The following RALYL variants were observed in gnomAD, a reference collection of about 807,000 sequenced individuals.
RALYL encodes RALY RNA binding protein like, also known as RNA-binding Raly-like protein.
A neutral mutation model predicts 35.1 loss-of-function variants in RALYL; 29 were observed. That is an observed-to-expected ratio of 0.83 (90% CI 0.61 to 1.13). RALYL has a LOEUF of 1.13. Ranked by LOEUF, RALYL falls within the 50% of genes most tolerant of loss-of-function variation. The pLI is 0.00. For synonymous variants in RALYL, 120 were observed against 127.6 expected, an observed-to-expected ratio of 0.94 and a Z score of 0.40; for missense variants, 359 against 360.4, an observed-to-expected ratio of 1.00 and a Z score of 0.03.
Position 84,586,882 on chromosome 8 carries a change from G to A in RALYL, c.256+57305G>A, listed in dbSNP as rs562984093. Among the ~76,000 whole-genome samples the A allele has an allele frequency of 4.6e-5, 7 of 152,088 alleles. No individual in the cohort carries two copies. In the South Asian group the frequency reaches 1.4e-3, roughly 31 times the overall value. ...GCACCATATGATTTTTTGTGTGTGT[G>A]CTCTCTACATCACTGTTAGAAAATG... On this transcript the variant is annotated intron_variant, in intron 2 of 8. Coordinates refer to ENST00000521268, the MANE Select transcript of RALYL (RefSeq NM_173848.7).
chr8:84,316,615 C>A (rs760487606), intron 1 of RALYL, among the ~76,000 whole-genome samples: 5 of 152,052 alleles, frequency 3.3e-5, no homozygotes, highest in African/African-American at 1.2e-4. Flanking sequence ...GTTTTCCTGG[C>A]AGATCTATTT....
chr8:84,186,655 C>G (rs1490933077), intron 1 of RALYL, among the ~76,000 whole-genome samples: 5 of 152,212 alleles, frequency 3.3e-5, no homozygotes, highest in Non-Finnish European at 7.4e-5. Flanking sequence ...TTAATGGGAC[C>G]AAAGACGATT....
chr8:84,426,141 G>T (rs1223957271), intron 1 of RALYL, among the ~76,000 whole-genome samples: 2 of 151,914 alleles, frequency 1.3e-5, no homozygotes, highest in East Asian at 1.9e-4. Flanking sequence ...ATGATATTAT[G>T]GGATACATAT....
chr8:84,429,458 GA>G, intron 1 of RALYL, among the ~76,000 whole-genome samples: 1 of 151,070 alleles, frequency 6.6e-6, no homozygotes, highest in Non-Finnish European at 1.5e-5. Context: ...AATGAGGGCT[GA>G]AACAAATGAG....
Position 84,426,475 on chromosome 8 carries a change from G to GTGT in RALYL, c.-23-102824_-23-102823insTGT, listed in dbSNP as rs1554662561. Among the ~76,000 whole-genome samples, 155 of 70,696 alleles carry GTGT rather than the reference G, an allele frequency of 2.2e-3. 1 individual carries two copies. The South Asian group carries it at 0.025, about 11-fold the overall frequency. 46.4% of individuals were successfully genotyped at this position (70,696 alleles called of 152,430 possible). The stretch of plus-strand genomic sequence containing the variant: ...GTGTGTGTGTGTGTGTGTGTGTGTG[G>GTGT]GTTTAGATTTCACATATAAGTGAGA... On this transcript the variant is annotated intron_variant, in intron 1 of 8. Transcript: ENST00000521268.
intron 4 of RALYL, among the ~76,000 whole-genome samples, chr8:84,823,276 C>A (rs1319530439): frequency 6.6e-6 from 1 of 152,116 alleles, no homozygotes; most frequent in Admixed American, 6.6e-5. Flanking sequence ...AGGTAGTAAT[C>A]TAATGAACAG....
chr8:84,239,876 G>T (rs1212607289), intron 1 of RALYL, among the ~76,000 whole-genome samples: 1 of 152,086 alleles, frequency 6.6e-6, no homozygotes, highest in Non-Finnish European at 1.5e-5. Flanking sequence ...TGGGCACAGA[G>T]TGAGACTCCA....
At chr8:84,298,704 C>T (rs1243434883) in intron 1 of RALYL, among the ~76,000 whole-genome samples, 1 of 151,996 alleles carries the variant, frequency 6.6e-6, no homozygotes, top group Non-Finnish European at 1.5e-5. Context: ...AATATTTTTC[C>T]ATTTGTTTGT....
intron 7 of RALYL, among the ~76,000 whole-genome samples, chr8:84,887,139 T>A (rs1018620947): frequency 1.3e-5 from 2 of 152,254 alleles, no homozygotes; most frequent in African/African-American, 4.8e-5. Flanking sequence ...CCTCAGTGAG[T>A]TTTTGTCTTT....
intron 1 of RALYL, among the ~76,000 whole-genome samples, chr8:84,314,877 A>G (rs1843450068): frequency 6.6e-6 from 1 of 152,252 alleles, no homozygotes; most frequent in Non-Finnish European, 1.5e-5. Context: ...CAATAGAAAA[A>G]TAGGCTGGAG....
rs572363653 is a variant in RALYL, at chr8:84,559,973, G to GT, written c.256+30411dup. 5.0e-3 allele frequency among the ~76,000 whole-genome samples: 704 copies of GT among 141,336 alleles called. 2 individuals are homozygous for GT. The highest frequency in any genetic ancestry group is 5.7e-3 in the Admixed American group (79 of 13,974). The allele number at this position is 141,336 out of a possible 152,430, so 92.7% of individuals were successfully genotyped here. On this transcript the variant is annotated intron_variant, in intron 2 of 8. Coordinates refer to ENST00000521268, the MANE Select transcript of RALYL (RefSeq NM_173848.7). ...CAATCAAGTGTAGGCAATATATTAG[G>GT]TTTTTTTTTTTTTTTAATTGCCTCA...
intron 2 of RALYL, among the ~76,000 whole-genome samples, chr8:84,691,397 G>T (rs1477794064): frequency 1.3e-5 from 2 of 152,074 alleles, no homozygotes; most frequent in Non-Finnish European, 2.9e-5. Context: ...TTATATTTCA[G>T]TTCTCTAAAT....
At chr8:84,560,687 A>G (rs1238523379) in intron 2 of RALYL, among the ~76,000 whole-genome samples, 1 of 151,952 alleles carries the variant, frequency 6.6e-6, no homozygotes, top group African/African-American at 2.4e-5. Context: ...ATCAGTGGCA[A>G]ATGATACTGG....
chr8:84,531,864 A>G (rs2059297000), intron 2 of RALYL, among the ~76,000 whole-genome samples: 1 of 152,010 alleles, frequency 6.6e-6, no homozygotes, highest in South Asian at 2.1e-4. Context: ...ATACCACACT[A>G]AAAATGTAGT....
intron 8 of RALYL, among the ~76,000 whole-genome samples, chr8:84,915,952 T>G (rs1264321015): frequency 6.6e-6 from 1 of 152,166 alleles, no homozygotes; most frequent in East Asian, 1.9e-4. Flanking sequence ...GTAGGTTTTG[T>G]TATTTCATAC....
chr8:84,602,711 T>C (rs2130766510), intron 2 of RALYL, among the ~76,000 whole-genome samples: 1 of 152,284 alleles, frequency 6.6e-6, no homozygotes, highest in East Asian at 1.9e-4. Context: ...TAAATAGCTA[T>C]TGAGTAAATG....
chr8:84,407,048 TCACA>T (rs879429303), intron 1 of RALYL, among the ~76,000 whole-genome samples: 245 of 140,126 alleles, frequency 1.7e-3, no homozygotes, highest in African/African-American at 5.8e-3. Flanking sequence ...ACACACACAC[TCACA>T]CACACACACA....
chr8:84,740,599 G>A (rs969569603), intron 2 of RALYL, among the ~76,000 whole-genome samples: 1 of 152,002 alleles, frequency 6.6e-6, no homozygotes, highest in Non-Finnish European at 1.5e-5. Context: ...CACACACAAA[G>A]TTGTTCAGCA....
At chr8:84,842,486 A>C (rs1833649921) in intron 4 of RALYL, among the ~76,000 whole-genome samples, 2 of 152,202 alleles carry the variant, frequency 1.3e-5, no homozygotes, top group African/African-American at 4.8e-5. Flanking sequence ...ATAGCTTACC[A>C]ACCAAAAAAA....
Sources: allele counts gnomAD v4.1 joint callset (sites outside exome capture counted in the v4.1 genomes callset), GRCh38; gene constraint gnomAD v4.1.1; transcripts MANE v1.5; gene names NCBI Gene and HGNC (gene_info 2026-07-23, HGNC 2026-07-21).